XKR4: variants seen among roughly 807,000 people sequenced by gnomAD.
XKR4 encodes the protein XK related 4, also known as XK-related protein 4.
A neutral mutation model predicts 53.9 loss-of-function variants in XKR4; 12 were observed. The observed-to-expected ratio is 0.22, with a 90% CI of 0.14 to 0.36. The LOEUF is 0.36. Ranked by LOEUF, XKR4 falls within the 10% of genes least tolerant of loss-of-function variation. The pLI is 1.00. For synonymous variants in XKR4, 354 were observed against 362.4 expected (o/e 0.98, Z 0.26); for missense variants, 799 against 859.5 (o/e 0.93, Z 0.88).
chr8:55,455,137 C>A, intron 2 of XKR4: 1 of 611,946 alleles, frequency 1.6e-6, no homozygotes. Context: ...TGATCCGCGC[C>A]ATGGGGAGGG....
At chr8:55,160,212 G>A (rs1457473015) in intron 1 of XKR4, among the ~76,000 whole-genome samples, 2 of 152,212 alleles carry the variant, frequency 1.3e-5, no homozygotes, top group Non-Finnish European at 2.9e-5. Flanking sequence ...CAGCTCATGG[G>A]TGCAGCCCTG....
intron 1 of XKR4, among the ~76,000 whole-genome samples, chr8:55,214,292 C>T (rs552635422): frequency 6.6e-6 from 1 of 152,246 alleles, no homozygotes; most frequent in South Asian, 2.1e-4. Context: ...AATGCTAGAT[C>T]GTAAACATGC....
At chr8:55,145,821 G>A (rs1172537409) in intron 1 of XKR4, among the ~76,000 whole-genome samples, 2 of 152,192 alleles carry the variant, frequency 1.3e-5, no homozygotes, top group Non-Finnish European at 2.9e-5. Context: ...GTGTGCAGTA[G>A]ATGCAAAATG....
Position 55,348,908 on chromosome 8 carries a change from A to C in XKR4, c.807-8770A>C, listed in dbSNP as rs1803690068. Among the ~76,000 whole-genome samples, 4 of 152,198 alleles carry C rather than the reference A, an allele frequency of 2.6e-5. No individual in the cohort carries two copies. The South Asian group carries it at 8.3e-4, about 31-fold the overall frequency. On this transcript the variant is annotated intron_variant, in intron 1 of 2. Transcript: ENST00000327381. The stretch of plus-strand genomic sequence containing the variant: ...GAACTAGATAAATACAGATAGACAG[A>C]GAGAAAGAGATGAAAGAGAGAGTGG...
At chr8:55,216,402 G>C (rs761531114) in intron 1 of XKR4, among the ~76,000 whole-genome samples, 7 of 152,160 alleles carry the variant, frequency 4.6e-5, no homozygotes, top group Non-Finnish European at 8.8e-5. Flanking sequence ...ATGAACTTAG[G>C]GTAGAGAAGG....
At chr8:55,172,517 T>C (rs1817176186) in intron 1 of XKR4, among the ~76,000 whole-genome samples, 2 of 152,150 alleles carry the variant, frequency 1.3e-5, no homozygotes, top group Non-Finnish European at 2.9e-5. Context: ...TAAATACATA[T>C]ATACAATTTT....
chr8:55,243,157 T>A (rs1818235099), intron 1 of XKR4, among the ~76,000 whole-genome samples: 1 of 152,182 alleles, frequency 6.6e-6, no homozygotes, highest in South Asian at 2.1e-4. Flanking sequence ...GGAATACATT[T>A]GTTACAGTTG....
chr8:55,528,001 T>TACACACAC lies in XKR4; in HGVS notation c.*3787_*3794dup, dbSNP rs374639832. The TACACACAC allele has an allele frequency of 5.3e-5, 8 of 150,088 alleles. No individual in the cohort carries two copies. The highest frequency in any genetic ancestry group is 1.9e-4 in the African/African-American group (8 of 41,072). The allele number at this position is 150,088 out of a possible 1,614,324, so 9.3% of individuals were successfully genotyped here. A position where few individuals can be genotyped will look rare whatever the true frequency, so the allele number is the denominator to read the frequency against. On this transcript the variant is annotated 3_prime_UTR_variant, in exon 3 of 3. Transcript: ENST00000327381. ...ATATATACGTACCTATATATGTATGTACACACACACACACACACACTTTCC... is the reference window on the plus strand; with the variant it reads ...ATATATACGTACCTATATATGTATGTACACACACACACACACACACACACACACTTTCC...
chr8:55,190,907 C>A (rs1018325417), intron 1 of XKR4, among the ~76,000 whole-genome samples: 3 of 152,170 alleles, frequency 2.0e-5, no homozygotes. Flanking sequence ...ATAGGATTAG[C>A]CTTTTCCTTC....
rs148623214 is a variant in XKR4, at chr8:55,497,016, C to T, written c.1007-26265C>T. Among the ~76,000 whole-genome samples the T allele has an allele frequency of 6.6e-5, 10 of 152,312 alleles. No homozygotes were observed. The East Asian group carries it at 1.9e-3, about 29-fold the overall frequency. On this transcript the variant is annotated intron_variant, in intron 2 of 2. Transcript: ENST00000327381. ...TGCCCAGGAGCTCCCTAATCCTACACCTCAATGTCCGGTAAATACATCCAT... is the reference window on the plus strand; with the variant it reads ...TGCCCAGGAGCTCCCTAATCCTACATCTCAATGTCCGGTAAATACATCCAT...
chr8:55,242,425 C>T (rs1054804510), intron 1 of XKR4, among the ~76,000 whole-genome samples: 7 of 152,178 alleles, frequency 4.6e-5, no homozygotes, highest in African/African-American at 1.4e-4. Flanking sequence ...CAGACTGGAA[C>T]TCAGGATTTG....
At chr8:55,454,493 G>T in intron 2 of XKR4, 1 of 1,225,034 alleles carries the variant, frequency 8.2e-7, no homozygotes, top group Non-Finnish European at 1.2e-6. Context: ...ACAGACCAAA[G>T]ACAGTACGTT....
At chr8:55,153,944 T>C (rs1369485781) in intron 1 of XKR4, among the ~76,000 whole-genome samples, 2 of 152,234 alleles carry the variant, frequency 1.3e-5, no homozygotes, top group Admixed American at 6.5e-5. Flanking sequence ...AGTATAATTT[T>C]GATGCGATGT....
chr8:55,146,542 C>G lies in XKR4; in HGVS notation c.806+43248C>G, dbSNP rs534672895. On this transcript the variant is annotated intron_variant, in intron 1 of 2. Transcript: ENST00000327381. Reference sequence around the variant, plus strand: ...TATTTGCACACTTGAAATGTGGCAACGTGGCAATTGTGATTGAGAAATTGA... The same window carrying G: ...TATTTGCACACTTGAAATGTGGCAAGGTGGCAATTGTGATTGAGAAATTGA... 3.9e-5 allele frequency among the ~76,000 whole-genome samples: 6 copies of G among 152,258 alleles called. No individual in the cohort carries two copies. The East Asian group carries it at 1.2e-3, about 29-fold the overall frequency.
chr8:55,388,894 A>T (rs566904123), intron 2 of XKR4, among the ~76,000 whole-genome samples: 1 of 152,208 alleles, frequency 6.6e-6, no homozygotes, highest in Admixed American at 6.5e-5. Context: ...TATGGGTTGA[A>T]TTGTGACACC....
At position 55,531,390 on chromosome 8, in the gene XKR4, C is replaced by T. The variant is rs933284785; in HGVS notation, c.*7163C>T. The T allele has an allele frequency of 3.3e-5, 5 of 151,996 alleles. No individual in the cohort carries two copies. The highest frequency in any genetic ancestry group is 4.8e-5 in the African/African-American group (2 of 41,374). The allele number at this position is 151,996 out of a possible 1,614,324, so 9.4% of individuals were successfully genotyped here. On this transcript the variant is annotated 3_prime_UTR_variant, in exon 3 of 3. Coordinates refer to ENST00000327381, the MANE Select transcript of XKR4 (RefSeq NM_052898.2). The stretch of plus-strand genomic sequence containing the variant: ...ATATAGTATTATTGTCTTATGGGAT[C>T]GCTGTCATATGTGCAGTCTATTATT...
chr8:55,180,075 A>C (rs1817286441), intron 1 of XKR4, among the ~76,000 whole-genome samples: 1 of 152,244 alleles, frequency 6.6e-6, no homozygotes, highest in African/African-American at 2.4e-5. Context: ...TGATGTCAAC[A>C]CATGGATTAT....
chr8:55,395,598 G>T (rs573128343), intron 2 of XKR4, among the ~76,000 whole-genome samples: 2 of 152,266 alleles, frequency 1.3e-5, no homozygotes, highest in African/African-American at 4.8e-5. Flanking sequence ...TTTGAGAGGA[G>T]AATGGCCTGT....
At chr8:55,412,581 C>T (rs1264530845) in intron 2 of XKR4, among the ~76,000 whole-genome samples, 1 of 152,124 alleles carries the variant, frequency 6.6e-6, no homozygotes, top group Non-Finnish European at 1.5e-5. Flanking sequence ...CCATGTGACT[C>T]CCATGAAACA....
Sources: allele counts gnomAD v4.1 joint callset (sites outside exome capture counted in the v4.1 genomes callset), GRCh38; gene constraint gnomAD v4.1.1; transcripts MANE v1.5; gene names NCBI Gene and HGNC (gene_info 2026-07-23, HGNC 2026-07-21).